The following AMBRA1 variants were observed in gnomAD, a reference collection of about 807,000 sequenced individuals.
The protein encoded by AMBRA1 is activating molecule in BECN1-regulated autophagy protein 1.
A neutral mutation model predicts 125.4 loss-of-function variants in AMBRA1; 47 were observed. That is an observed-to-expected ratio of 0.37 (90% CI 0.30 to 0.48). The LOEUF (loss-of-function observed/expected upper bound fraction) is 0.48. Ranked by LOEUF, AMBRA1 falls within the 20% of genes least tolerant of loss-of-function variation. The probability of loss-of-function intolerance (pLI) is 0.99; values close to 1 mark genes in which losing one functional copy is unlikely to be tolerated. For missense variants in AMBRA1, 1,331 were observed against 1,693.4 expected (o/e 0.79, Z 3.76); for synonymous variants, 626 against 655.5 (o/e 0.95, Z 0.69).
chr11:46,519,996 A>G (rs1951686326), intron 7 of AMBRA1, among the ~76,000 whole-genome samples: 1 of 152,028 alleles, frequency 6.6e-6, no homozygotes, highest in African/African-American at 2.4e-5. Flanking sequence ...AAAATTAGCC[A>G]GGCATGGTGG....
intron 1 of AMBRA1, among the ~76,000 whole-genome samples, chr11:46,592,455 C>G (rs2044637216): frequency 6.6e-6 from 1 of 152,030 alleles, no homozygotes; most frequent in Non-Finnish European, 1.5e-5. Context: ...AGTGACCAAA[C>G]TACTAATCAA....
chr11:46,552,444 T>C (rs2043034217), intron 1 of AMBRA1, among the ~76,000 whole-genome samples: 1 of 140,086 alleles, frequency 7.1e-6, no homozygotes, highest in Non-Finnish European at 1.5e-5. Context: ...TCCCAGCACT[T>C]TGGGAGGCTG....
In AMBRA1 at chr11:46,439,961, A is replaced by G. The variant is rs573557052; in HGVS notation, c.2632+3527T>C. On this transcript the variant is annotated intron_variant, in intron 12 of 17. Transcript: ENST00000683756. ...ATTTGCAAATATCCAAAAATTTGAT[A>G]GTACATTCTATCAGCAAGAGTTTAT... is the stretch of plus-strand genomic sequence containing the variant. 5.3e-5 allele frequency among the ~76,000 whole-genome samples: 8 copies of G among 152,312 alleles called. No homozygotes were observed. The East Asian group carries it at 1.5e-3, about 29-fold the overall frequency.
rs555253460 is a variant in AMBRA1 at position 46,463,034 on chromosome 11, G to A, written c.2522-19436C>T. The stretch of plus-strand genomic sequence containing the variant: ...CTTTCAAAGTGCTGGGATTACAGGC[G>A]TGAGCCACCACGTCTGGCCAATAAT... On this transcript the variant is annotated intron_variant, in intron 11 of 17. Transcript: ENST00000683756. Among the ~76,000 whole-genome samples, 10 of 152,322 alleles carry A rather than the reference G, an allele frequency of 6.6e-5. No individual in the cohort carries two copies. The South Asian group carries it at 8.3e-4, about 13-fold the overall frequency.
At chr11:46,551,295 A>C (rs1202729186) in intron 1 of AMBRA1, among the ~76,000 whole-genome samples, 3 of 149,358 alleles carry the variant, frequency 2.0e-5, no homozygotes, top group African/African-American at 5.1e-5. Context: ...ATGGAATTTT[A>C]GTTAGTTTGT....
chr11:46,415,590 A>G (rs959440513), intron 15 of AMBRA1, among the ~76,000 whole-genome samples: 3 of 152,202 alleles, frequency 2.0e-5, no homozygotes, highest in Non-Finnish European at 2.9e-5. Flanking sequence ...AGTCATGTCC[A>G]TGTCCAATTT....
chr11:46,418,146 A>C (rs1437892968), intron 14 of AMBRA1, 94 bp from the exon 15 acceptor site: 1 of 1,271,578 alleles, frequency 7.9e-7, no homozygotes, highest in Non-Finnish European at 1.0e-6. Context: ...AATTAGAAGG[A>C]GGAAAGGAGG....
At chr11:46,544,362 C>T (rs1952896487) in intron 5 of AMBRA1, among the ~76,000 whole-genome samples, 1 of 152,200 alleles carries the variant, frequency 6.6e-6, no homozygotes, top group African/African-American at 2.4e-5. Flanking sequence ...GCATAAAATG[C>T]TCTCATACTC....
intron 11 of AMBRA1, among the ~76,000 whole-genome samples, chr11:46,457,919 AAAAG>A (rs1948925023): frequency 6.6e-6 from 1 of 151,938 alleles, no homozygotes. Flanking sequence ...AAAAAAAAAA[AAAAG>A]ACATTCCACC....
rs768009155 is a variant in AMBRA1 at position 46,542,311 on chromosome 11, C to T, written c.1706G>A (p.Arg569His). Residue 569 changes from arginine to histidine, a missense_variant, in exon 7 of 18, where the codon CGT (arginine) becomes CAT (histidine). Arg to His is a conservative substitution (Grantham distance 29). Transcript: ENST00000683756. This position sits in a 1 kb window ranked among gnomAD's most constrained non-coding sequence, Gnocchi z 5.9. ...GAAGGTCAGGAGATTGTGGCAAGCA[C>T]GACAGCGATTCAGGTGGCCACGGGA... The part of the protein sequence containing the change: ...NLSRGHLNRC[R>H]ACHNLLTFNN... The T allele has an allele frequency of 1.2e-5, 20 of 1,613,958 alleles. No individual in the cohort carries two copies. In the South Asian group the frequency reaches 1.3e-4, roughly 11 times the overall value.
intron 14 of AMBRA1, among the ~76,000 whole-genome samples, chr11:46,423,710 T>C (rs570502019): frequency 6.8e-6 from 1 of 147,952 alleles, no homozygotes; most frequent in East Asian, 2.0e-4. Flanking sequence ...TATTTTTAAA[T>C]TTTTACTGTT....
In AMBRA1 at chr11:46,547,884, C is replaced by CAAA. The variant is rs58268270; in HGVS notation, c.136-12_136-10dup. On this transcript the variant is annotated splice_polypyrimidine_tract_variant and intron_variant, in intron 2 of 17. Coordinates refer to ENST00000683756, the MANE Select transcript of AMBRA1 (RefSeq NM_001387011.1). ...TCCGGCAGTTCTACTCTCTGGGAGA[C>CAAA]AAAAAAAAAAAAAAAGTTAAAATAC... is the stretch of plus-strand genomic sequence containing the variant. 2.4e-5 allele frequency: 34 copies of CAAA among 1,423,620 alleles called. No homozygotes were observed. Among genetic ancestry groups the CAAA allele is most frequent in the South Asian group, 1.0e-4 (8 of 79,074 alleles). The allele number at this position is 1,423,620 out of a possible 1,614,324, so 88.2% of individuals were successfully genotyped here.
At position 46,552,368 on chromosome 11, in the gene AMBRA1, C is replaced by CAAAAAAAAAA. The variant is rs56090695; in HGVS notation, c.-120-3878_-120-3869dup. Among the ~76,000 whole-genome samples the CAAAAAAAAAA allele has an allele frequency of 9.2e-4, 11 of 11,994 alleles. 4 individuals carry two copies. The highest frequency in any genetic ancestry group is 1.7e-3 in the African/African-American group (7 of 4,100). 7.9% of individuals were successfully genotyped at this position (11,994 alleles called of 152,430 possible). On this transcript the variant is annotated intron_variant, in intron 1 of 17. Transcript: ENST00000683756. ...TGAGTGACAGAGTGAGACTCCATCTCAAAAAAAAAAAAAAAAAAAAAAAAA... is the reference window on the plus strand; with the variant it reads ...TGAGTGACAGAGTGAGACTCCATCTCAAAAAAAAAAAAAAAAAAAAAAAAAAAAAAAAAAA...
intron 17 of AMBRA1, among the ~76,000 whole-genome samples, chr11:46,405,119 A>G (rs147100074): frequency 4.6e-5 from 7 of 152,316 alleles, no homozygotes; most frequent in Admixed American, 1.3e-4. Context: ...GTGCCATTTC[A>G]TGTGCTGAGA....
intron 7 of AMBRA1, among the ~76,000 whole-genome samples, chr11:46,528,039 A>C (rs1347484063): frequency 6.6e-6 from 1 of 152,262 alleles, no homozygotes; most frequent in Non-Finnish European, 1.5e-5. Flanking sequence ...AAAATAGCCA[A>C]AATGTGGAAC....
chr11:46,489,210 TC>T (rs1341604783), intron 11 of AMBRA1, among the ~76,000 whole-genome samples: 1 of 151,930 alleles, frequency 6.6e-6, no homozygotes, highest in Non-Finnish European at 1.5e-5. Context: ...ATGCTATCCC[TC>T]CCCCGCTCTC....
chr11:46,527,962 T>G (rs1565255480), intron 7 of AMBRA1, among the ~76,000 whole-genome samples: 1 of 152,132 alleles, frequency 6.6e-6, no homozygotes, highest in Non-Finnish European at 1.5e-5. Context: ...TGGTTATGTA[T>G]CTAAAAGAAA....
intron 7 of AMBRA1, among the ~76,000 whole-genome samples, chr11:46,526,754 T>G (rs1019413869): frequency 1.3e-5 from 2 of 151,642 alleles, no homozygotes; most frequent in African/African-American, 2.4e-5. Flanking sequence ...CCATGAAAAA[T>G]AACTGAATCG....
chr11:46,510,978 C>G (rs183586011), intron 8 of AMBRA1, among the ~76,000 whole-genome samples: 2 of 152,150 alleles, frequency 1.3e-5, no homozygotes, highest in Non-Finnish European at 2.9e-5. Context: ...AAAAATACTT[C>G]CTTTTCCAAA....
Sources: allele counts gnomAD v4.1 joint callset (sites outside exome capture counted in the v4.1 genomes callset), GRCh38; gene constraint gnomAD v4.1.1; non-coding constraint Gnocchi (gnomAD v3.1); transcripts MANE v1.5; gene names NCBI Gene and HGNC (gene_info 2026-07-23, HGNC 2026-07-21).